Variants in PAN3 observed in about 807,000 individuals in gnomAD.
The protein encoded by PAN3 is poly(A) specific ribonuclease subunit PAN3.
In PAN3, 19 loss-of-function variants were observed where a neutral mutation model predicts 96.2. That is an observed-to-expected ratio of 0.20 (90% confidence interval 0.14 to 0.29). The LOEUF is 0.29. Among genes scored for constraint, PAN3 ranks in the 10% least tolerant of loss-of-function variants. The pLI, the probability that PAN3 is intolerant of heterozygous loss-of-function variation, is 1.00. For missense variants in PAN3, 882 were observed against 1,108.1 expected (o/e 0.80, Z 2.90); for synonymous variants, 433 against 406.6 (o/e 1.06, Z -0.78).
At chr13:28,287,919 A>G (rs531889400) in intron 17 of PAN3, 65 bp from the exon 18 acceptor site, 1 of 1,444,886 alleles carries the variant, frequency 6.9e-7, no homozygotes, top group East Asian at 2.5e-5. Context: ...GGAGTCTAAA[A>G]AATAGACATA....
At chr13:28,152,688 G>T (rs1871522384) in intron 1 of PAN3, among the ~76,000 whole-genome samples, 1 of 152,172 alleles carries the variant, frequency 6.6e-6, no homozygotes, top group Non-Finnish European at 1.5e-5. Context: ...AGCTACCTTT[G>T]TATGGTTAGG....
intron 4 of PAN3, among the ~76,000 whole-genome samples, chr13:28,194,669 C>A (rs1440338714): frequency 6.6e-6 from 1 of 151,578 alleles, no homozygotes; most frequent in African/African-American, 2.4e-5. Context: ...GGTGTTTCAC[C>A]TTGTTGCTCA....
At chr13:28,194,176 C>T (rs1483581219) in intron 4 of PAN3, among the ~76,000 whole-genome samples, 1 of 136,968 alleles carries the variant, frequency 7.3e-6, no homozygotes, top group Non-Finnish European at 1.6e-5. Flanking sequence ...GACACTGTCT[C>T]AAAAAAAAAA....
intron 6 of PAN3, among the ~76,000 whole-genome samples, chr13:28,224,802 T>C (rs889859299): frequency 6.6e-6 from 1 of 152,182 alleles, no homozygotes; most frequent in Non-Finnish European, 1.5e-5. Context: ...TTAAATTTTT[T>C]TTGTAGAGAC....
chr13:28,189,761 G>A (rs746180660), intron 4 of PAN3, among the ~76,000 whole-genome samples: 6 of 152,040 alleles, frequency 3.9e-5, no homozygotes, highest in Non-Finnish European at 8.8e-5. Flanking sequence ...TCTTGGGAGC[G>A]TCTTTAGAAA....
At chr13:28,273,355 A>C (rs1242007526) in intron 14 of PAN3, among the ~76,000 whole-genome samples, 1 of 152,196 alleles carries the variant, frequency 6.6e-6, no homozygotes, top group African/African-American at 2.4e-5. Context: ...TAATCCCAGC[A>C]CTTTGAGAGG....
At chr13:28,239,478 G>A in intron 6 of PAN3, 1 of 506,600 alleles carries the variant, frequency 2.0e-6, no homozygotes, top group Non-Finnish European at 3.2e-6. Context: ...AAAGGAAGTT[G>A]AACTATTTTT....
At chr13:28,291,302 C>T (rs1252485609) in intron 18 of PAN3, among the ~76,000 whole-genome samples, 1 of 151,840 alleles carries the variant, frequency 6.6e-6, no homozygotes, top group Non-Finnish European at 1.5e-5. Context: ...AAAGTGAAAA[C>T]CATAACAAGA....
At chr13:28,153,444 G>C (rs997831365) in intron 1 of PAN3, among the ~76,000 whole-genome samples, 1 of 151,842 alleles carries the variant, frequency 6.6e-6, no homozygotes, top group East Asian at 1.9e-4. Context: ...TCACCATGTT[G>C]GCCAGGATGG....
At chr13:28,286,303 C>T (rs1024609044) in intron 17 of PAN3, among the ~76,000 whole-genome samples, 3 of 152,164 alleles carry the variant, frequency 2.0e-5, no homozygotes, top group African/African-American at 7.2e-5. Flanking sequence ...CTCCTCAGCT[C>T]TTCATCTTCT....
intron 6 of PAN3, among the ~76,000 whole-genome samples, chr13:28,254,378 G>C (rs1320803930): frequency 6.6e-6 from 1 of 152,212 alleles, no homozygotes; most frequent in Non-Finnish European, 1.5e-5. Flanking sequence ...ACTTAGATTA[G>C]TGCCTGAAAC....
chr13:28,167,280 C>T (rs577187483), intron 1 of PAN3, among the ~76,000 whole-genome samples: 1 of 151,836 alleles, frequency 6.6e-6, no homozygotes, highest in African/African-American at 2.4e-5. Flanking sequence ...GCAACCTCCA[C>T]CTCCTGGGTT....
intron 6 of PAN3, among the ~76,000 whole-genome samples, chr13:28,245,765 A>G (rs1387346101): frequency 6.6e-6 from 1 of 152,206 alleles, no homozygotes; most frequent in Non-Finnish European, 1.5e-5. Context: ...TATAAATAGA[A>G]TCATATAATA....
At chr13:28,269,581 C>G (rs1376595694) in intron 12 of PAN3, among the ~76,000 whole-genome samples, 1 of 151,890 alleles carries the variant, frequency 6.6e-6, no homozygotes, top group Non-Finnish European at 1.5e-5. Context: ...ACAACTAGAA[C>G]AGAGTCTGGC....
At chr13:28,140,519 A>G (rs1869599006) in intron 1 of PAN3, among the ~76,000 whole-genome samples, 1 of 152,116 alleles carries the variant, frequency 6.6e-6, no homozygotes, top group Non-Finnish European at 1.5e-5. Flanking sequence ...GTCTATGAGG[A>G]TTATTTAATA....
At chr13:28,142,635 G>A (rs1349638728) in intron 1 of PAN3, among the ~76,000 whole-genome samples, 1 of 151,424 alleles carries the variant, frequency 6.6e-6, no homozygotes, top group Non-Finnish European at 1.5e-5. Context: ...CAAACTTCTG[G>A]GCTCAAAGCG....
intron 4 of PAN3, among the ~76,000 whole-genome samples, chr13:28,192,315 G>C (rs1384790778): frequency 1.3e-5 from 2 of 149,938 alleles, no homozygotes; most frequent in East Asian, 4.0e-4. Context: ...TGATCCGTTC[G>C]CCTCAGCCTC....
intron 18 of PAN3, among the ~76,000 whole-genome samples, chr13:28,289,818 T>C (rs1025825481): frequency 5.3e-5 from 8 of 151,786 alleles, no homozygotes; most frequent in Non-Finnish European, 8.8e-5. Flanking sequence ...GGAGGCGGAG[T>C]TTGCAGTGAG....
At chr13:28,183,559 A>G (rs1055964143) in intron 4 of PAN3, among the ~76,000 whole-genome samples, 3 of 152,182 alleles carry the variant, frequency 2.0e-5, no homozygotes, top group Admixed American at 6.5e-5. Context: ...TTGGAGTCCA[A>G]GTTCGGGGTA....
Sources: allele counts gnomAD v4.1 joint callset (sites outside exome capture counted in the v4.1 genomes callset), GRCh38; gene constraint gnomAD v4.1.1; transcripts MANE v1.5; gene names NCBI Gene and HGNC (gene_info 2026-07-23, HGNC 2026-07-21).